Variants in ATP8B1 observed in about 807,000 individuals in gnomAD.
ATP8B1 encodes the protein phospholipid-transporting ATPase IC.
ATP8B1 carries 80 observed loss-of-function variants against 149.9 expected under a neutral mutation model. That is an observed-to-expected ratio of 0.53 (90% CI 0.45 to 0.64). ATP8B1 has a LOEUF of 0.64. ATP8B1 is among the 30% of genes least tolerant of loss of function. ATP8B1 has a pLI of 0.00. For synonymous variants in ATP8B1, 536 were observed against 562.8 expected, an observed-to-expected ratio of 0.95 and a Z score of 0.67; for missense variants, 1,247 against 1,552.6, an observed-to-expected ratio of 0.80 and a Z score of 3.31.
chr18:57,788,984 A>G (rs1168546621), intron 1 of ATP8B1, among the ~76,000 whole-genome samples: 1 of 152,206 alleles, frequency 6.6e-6, no homozygotes, highest in Admixed American at 6.5e-5. Flanking sequence ...AATGCTTGGC[A>G]GATCCAGGAG....
chr18:57,718,774 A>G (rs555435905), intron 2 of ATP8B1, among the ~76,000 whole-genome samples: 6 of 152,260 alleles, frequency 3.9e-5, no homozygotes, highest in Admixed American at 6.5e-5. Context: ...CAAAAACCAT[A>G]TGATCATTTC....
At chr18:57,651,966 A>G in intron 26 of ATP8B1, 68 bp downstream of exon 26, 2 of 1,543,656 alleles carry the variant, frequency 1.3e-6, no homozygotes, top group Admixed American at 3.4e-5. Context: ...ACTTAACAGA[A>G]GTTATGTCAA....
At chr18:57,726,182 T>A (rs319422) in intron 2 of ATP8B1, among the ~76,000 whole-genome samples, 1 of 152,010 alleles carries the variant, frequency 6.6e-6, no homozygotes, top group African/African-American at 2.4e-5. Context: ...GAGCCAAGAT[T>A]GTGCCACTGC....
intron 1 of ATP8B1, among the ~76,000 whole-genome samples, chr18:57,764,297 T>TTC (rs2080185804): frequency 7.3e-6 from 1 of 136,924 alleles, no homozygotes; most frequent in Non-Finnish European, 1.7e-5. Flanking sequence ...TTTCTTCTTT[T>TTC]CTTCCTTCCT....
At chr18:57,749,152 C>G (rs1246010819) in intron 1 of ATP8B1, among the ~76,000 whole-genome samples, 3 of 152,202 alleles carry the variant, frequency 2.0e-5, no homozygotes, top group Non-Finnish European at 2.9e-5. Flanking sequence ...TCCTCCCAAT[C>G]AATGTTTGCT....
chr18:57,660,478 A>C (rs1427924190), intron 22 of ATP8B1, among the ~76,000 whole-genome samples: 1 of 152,190 alleles, frequency 6.6e-6, no homozygotes, highest in East Asian at 1.9e-4. Flanking sequence ...AGAGTTCAAT[A>C]ATTTATGTCT....
intron 1 of ATP8B1, among the ~76,000 whole-genome samples, chr18:57,753,957 GAAAAGAA>G (rs1475143982): frequency 4.7e-5 from 2 of 42,638 alleles, no homozygotes; most frequent in South Asian, 1.6e-3. Context: ...AAGAAAGAAA[GAAAAGAA>G]AAAAAAAAAG....
intron 1 of ATP8B1, among the ~76,000 whole-genome samples, chr18:57,744,301 C>G (rs1269755659): frequency 1.2e-5 from 1 of 80,886 alleles, no homozygotes; most frequent in African/African-American, 6.5e-5. Context: ...CAGAGTGAGA[C>G]TGTCTCAAAA....
At chr18:57,776,077 CCAT>C (rs1382355135) in intron 1 of ATP8B1, among the ~76,000 whole-genome samples, 1 of 152,192 alleles carries the variant, frequency 6.6e-6, no homozygotes, top group Non-Finnish European at 1.5e-5. Flanking sequence ...CACTGAAAAA[CCAT>C]CATCATTTGT....
intron 1 of ATP8B1, among the ~76,000 whole-genome samples, chr18:57,791,127 A>G (rs1599243380): frequency 6.6e-6 from 1 of 152,306 alleles, no homozygotes; most frequent in East Asian, 1.9e-4. Context: ...CTCAGGGTCC[A>G]TTAAAAACTA....
chr18:57,755,660 A>C (rs8096340), intron 1 of ATP8B1, among the ~76,000 whole-genome samples: 39,826 of 152,160 alleles, frequency 0.26, 5,709 homozygotes, highest in African/African-American at 0.38. Context: ...CTGGCTTCAC[A>C]TAAGTTTACA....
At chr18:57,796,824 C>A (rs2080519905) in intron 1 of ATP8B1, among the ~76,000 whole-genome samples, 1 of 152,158 alleles carries the variant, frequency 6.6e-6, no homozygotes, top group Non-Finnish European at 1.5e-5. Context: ...GTAGCTGAGA[C>A]TACAGGCGTG....
chr18:57,782,156 G>A (rs969350273), intron 1 of ATP8B1, among the ~76,000 whole-genome samples: 2 of 152,230 alleles, frequency 1.3e-5, no homozygotes, highest in Non-Finnish European at 2.9e-5. Flanking sequence ...CATTTAATTG[G>A]AGAATGGAGC....
chr18:57,792,561 A>G (rs2080474168), intron 1 of ATP8B1, among the ~76,000 whole-genome samples: 1 of 152,160 alleles, frequency 6.6e-6, no homozygotes, highest in Non-Finnish European at 1.5e-5. Flanking sequence ...ACAGAAGCAG[A>G]GGGTAGATGA....
intron 1 of ATP8B1, among the ~76,000 whole-genome samples, chr18:57,773,229 A>AAATG (rs2080279519): frequency 6.6e-6 from 1 of 150,704 alleles, no homozygotes. Flanking sequence ...GAAAAGAAAG[A>AAATG]AATGATAACC....
chr18:57,650,739 A>G (rs574933521), intron 26 of ATP8B1, among the ~76,000 whole-genome samples: 3 of 152,328 alleles, frequency 2.0e-5, no homozygotes, highest in East Asian at 3.9e-4. Flanking sequence ...GCTACTCAGG[A>G]GACAGCAGAA....
At position 57,742,494 on chromosome 18, in the gene ATP8B1, C is replaced by T. The variant is rs183325560; in HGVS notation, c.-25-10662G>A. Among the ~76,000 whole-genome samples, 473 of 151,594 alleles carry T rather than the reference C, an allele frequency of 3.1e-3. 4 individuals carry two copies. Among genetic ancestry groups the T allele is most frequent in the South Asian group, 0.017 (82 of 4,828 alleles). On this transcript the variant is annotated intron_variant, in intron 1 of 27. Coordinates refer to ENST00000648908, the MANE Select transcript of ATP8B1 (RefSeq NM_001374385.1). ...GGCTTCTCTGAGTCCACAGCTTCAC[C>T]CCCTATTCCTCAGAAAATCCGCCCC...
At chr18:57,697,595 C>T (rs1912881015) in intron 8 of ATP8B1, 23 bp downstream of exon 8, 1 of 1,611,308 alleles carries the variant, frequency 6.2e-7, no homozygotes, top group African/African-American at 1.3e-5. Context: ...AGCTTTAAAT[C>T]AGGCCCATCG....
intron 12 of ATP8B1, 106 bp downstream of exon 12, chr18:57,691,701 T>A: frequency 1.4e-6 from 2 of 1,391,454 alleles, no homozygotes; most frequent in Non-Finnish European, 2.0e-6. Flanking sequence ...TTCTTACCTG[T>A]TCTTTGTGAC....
Sources: allele counts gnomAD v4.1 joint callset (sites outside exome capture counted in the v4.1 genomes callset), GRCh38; gene constraint gnomAD v4.1.1; transcripts MANE v1.5; gene names NCBI Gene and HGNC (gene_info 2026-07-23, HGNC 2026-07-21).